Variants in NRG1 observed in about 807,000 individuals in gnomAD.
NRG1 encodes pro-neuregulin-1, membrane-bound isoform.
Under a neutral mutation model 63.8 loss-of-function variants are expected in NRG1, and 18 were observed. The observed-to-expected ratio is 0.28, with a 90% CI of 0.19 to 0.42. The LOEUF (loss-of-function observed/expected upper bound fraction) is 0.42. Among genes scored for constraint, NRG1 ranks in the 10% least tolerant of loss-of-function variants. NRG1 has a pLI of 1.00. For synonymous variants in NRG1, 302 were observed against 301.3 expected, an observed-to-expected ratio of 1.00 and a Z score of -0.02; for missense variants, 762 against 814.7, an observed-to-expected ratio of 0.94 and a Z score of 0.79.
chr8:31,942,867 A>G (rs936357507), intron 1 of NRG1, among the ~76,000 whole-genome samples: 21 of 99,602 alleles, frequency 2.1e-4, no homozygotes, highest in Non-Finnish European at 1.1e-4. Context: ...AAGAATGACC[A>G]TAATAAAAAG....
At chr8:32,574,417 G>A (rs1839225876) in intron 1 of NRG1, among the ~76,000 whole-genome samples, 1 of 152,124 alleles carries the variant, frequency 6.6e-6, no homozygotes, top group South Asian at 2.1e-4. Flanking sequence ...GTGTGGTATA[G>A]TTTGTATATT....
intron 1 of NRG1, among the ~76,000 whole-genome samples, chr8:31,648,578 C>T (rs1804535454): frequency 6.6e-6 from 1 of 152,194 alleles, no homozygotes; most frequent in Admixed American, 6.5e-5. Flanking sequence ...TCTCCTCCCC[C>T]AGCCACTGAC....
At chr8:32,557,204 T>C (rs1002964742) in intron 1 of NRG1, among the ~76,000 whole-genome samples, 1 of 152,148 alleles carries the variant, frequency 6.6e-6, no homozygotes, top group Non-Finnish European at 1.5e-5. Flanking sequence ...AGACGGTGTT[T>C]CACTGTGTTA....
intron 1 of NRG1, among the ~76,000 whole-genome samples, chr8:32,365,772 G>A (rs1807889354): frequency 6.6e-6 from 1 of 152,166 alleles, no homozygotes; most frequent in African/African-American, 2.4e-5. Context: ...CAGGCAGCAG[G>A]AGGATTTGAC....
chr8:32,103,615 T>C (rs868360374), intron 1 of NRG1, among the ~76,000 whole-genome samples: 111 of 152,300 alleles, frequency 7.3e-4, no homozygotes, highest in African/African-American at 2.5e-3. Flanking sequence ...CCCAAACTGC[T>C]CTTCATTGTG....
chr8:32,352,161 G>A (rs549869151), intron 1 of NRG1, among the ~76,000 whole-genome samples: 2 of 128,330 alleles, frequency 1.6e-5, no homozygotes, highest in East Asian at 2.5e-4. Context: ...GCGGGATTAC[G>A]ACAGTGAACT....
At chr8:32,760,563 G>T in intron 11 of NRG1, 157 bp downstream of exon 11, 12 of 1,440,372 alleles carry the variant, frequency 8.3e-6, no homozygotes, top group Admixed American at 5.6e-5. Context: ...TCATCTCTTT[G>T]TTTGACGGAA....
chr8:32,737,590 G>A (rs1449616692), intron 6 of NRG1, among the ~76,000 whole-genome samples: 1 of 151,360 alleles, frequency 6.6e-6, no homozygotes, highest in Non-Finnish European at 1.5e-5. Context: ...CCACAGAGGA[G>A]AGTGTATCAT....
chr8:31,797,780 A>T (rs1231291074), intron 1 of NRG1, among the ~76,000 whole-genome samples: 1 of 152,250 alleles, frequency 6.6e-6, no homozygotes, highest in Non-Finnish European at 1.5e-5. Context: ...AAGATATAGA[A>T]TCCACCTAGG....
chr8:31,653,379 AAAAT>A (rs1805096286), intron 1 of NRG1, among the ~76,000 whole-genome samples: 1 of 152,138 alleles, frequency 6.6e-6, no homozygotes, highest in South Asian at 2.1e-4. Flanking sequence ...TATAACAAGT[AAAAT>A]GCGATAGTTT....
intron 1 of NRG1, among the ~76,000 whole-genome samples, chr8:32,358,607 A>T (rs576600150): frequency 6.6e-6 from 1 of 152,320 alleles, no homozygotes; most frequent in South Asian, 2.1e-4. Flanking sequence ...AGAAGAACAT[A>T]GTAGGTGACA....
At chr8:32,024,275 G>A (rs1301645508) in intron 1 of NRG1, among the ~76,000 whole-genome samples, 1 of 152,180 alleles carries the variant, frequency 6.6e-6, no homozygotes, top group East Asian at 1.9e-4. Flanking sequence ...CTGTATTAAA[G>A]GGAAGTGAGT....
At position 32,171,995 on chromosome 8, in the gene NRG1, G is replaced by A. The variant is rs1377068336; in HGVS notation, c.38-423833G>A. On this transcript the variant is annotated intron_variant, in intron 1 of 10. Transcript: ENST00000519301. ...TCCCTGTCTGACAGCTTTGAAGAGA[G>A]TAGTGGTTCTCCCAGCATGCAGCTG... Among the ~76,000 whole-genome samples, 8 of 152,310 alleles carry A rather than the reference G, an allele frequency of 5.3e-5. 1 individual carries two copies. The highest frequency in any genetic ancestry group is 1.9e-4 in the African/African-American group (8 of 41,570).
intron 1 of NRG1, among the ~76,000 whole-genome samples, chr8:32,315,279 C>T (rs28619113): frequency 0.026 from 3,933 of 152,224 alleles, 177 homozygotes; most frequent in African/African-American, 0.089. Flanking sequence ...TGTTCCCCTC[C>T]CTGTGTCCAT....
intron 1 of NRG1, among the ~76,000 whole-genome samples, chr8:31,938,871 G>T (rs972800820): frequency 1.3e-5 from 2 of 152,030 alleles, no homozygotes; most frequent in African/African-American, 4.8e-5. Flanking sequence ...AAAGAGAAAA[G>T]AATTTTAAAA....
chr8:32,029,383 G>A (rs1817929876), intron 1 of NRG1: 2 of 151,972 alleles, frequency 1.3e-5, no homozygotes, highest in South Asian at 2.1e-4. Context: ...TTCCAGAATC[G>A]GGCAGCCATT....
At chr8:31,810,268 C>CT (rs1448218302) in intron 1 of NRG1, among the ~76,000 whole-genome samples, 1 of 152,102 alleles carries the variant, frequency 6.6e-6, no homozygotes, top group Non-Finnish European at 1.5e-5. Context: ...TGCTTCCATT[C>CT]TTTTCACCCT....
At chr8:31,810,892 A>T (rs1013737215) in intron 1 of NRG1, among the ~76,000 whole-genome samples, 8 of 152,170 alleles carry the variant, frequency 5.3e-5, no homozygotes, top group Non-Finnish European at 8.8e-5. Context: ...GAGGCTATAT[A>T]TCAAAGGGCT....
intron 1 of NRG1, among the ~76,000 whole-genome samples, chr8:32,462,886 G>C (rs538310089): frequency 6.6e-6 from 1 of 152,056 alleles, no homozygotes; most frequent in East Asian, 1.9e-4. Flanking sequence ...TTACAGGAGT[G>C]AGCCACCATG....
Sources: gnomAD v4.1 joint callset for allele counts (sites outside exome capture counted in the v4.1 genomes callset) on GRCh38, gnomAD v4.1.1 for gene constraint, MANE v1.5 for transcripts, NCBI Gene and HGNC (gene_info 2026-07-23, HGNC 2026-07-21) for gene names.